SCFD2: variants seen among roughly 807,000 people sequenced by gnomAD.
SCFD2 encodes the protein sec1 family domain containing 2, also known as sec1 family domain-containing protein 2.
A neutral mutation model predicts 58.9 loss-of-function variants in SCFD2; 54 were observed. That is an observed-to-expected ratio of 0.92 (90% CI 0.74 to 1.15). The LOEUF is 1.15. Ranked by LOEUF, SCFD2 falls within the 50% of genes most tolerant of loss-of-function variation. The pLI is 0.00. For synonymous variants in SCFD2, 321 were observed against 335.9 expected (o/e 0.96, Z 0.49); for missense variants, 805 against 836.6 (o/e 0.96, Z 0.47).
intron 5 of SCFD2, among the ~76,000 whole-genome samples, chr4:53,047,562 C>A (rs1723073735): frequency 1.3e-5 from 2 of 152,224 alleles, no homozygotes; most frequent in Non-Finnish European, 2.9e-5. Flanking sequence ...CTTCCTCTCA[C>A]CTGTACCACG....
At chr4:53,170,111 G>T (rs750062151) in intron 4 of SCFD2, among the ~76,000 whole-genome samples, 1 of 152,126 alleles carries the variant, frequency 6.6e-6, no homozygotes, top group Non-Finnish European at 1.5e-5. Flanking sequence ...CCAGACAAAG[G>T]TAGTGTGGTT....
At chr4:52,886,120 T>C (rs1026365663) in intron 7 of SCFD2, among the ~76,000 whole-genome samples, 21 of 152,222 alleles carry the variant, frequency 1.4e-4, no homozygotes, top group African/African-American at 5.1e-4. Flanking sequence ...TGTTTTCCTC[T>C]GATTGATCCC....
chr4:53,238,546 C>T lies in SCFD2; in HGVS notation c.1311+35280G>A, dbSNP rs755688983. Among the ~76,000 whole-genome samples the T allele has an allele frequency of 2.9e-3, 446 of 151,364 alleles. 1 individual carries two copies. Among genetic ancestry groups the T allele is most frequent in the Non-Finnish European group, 3.3e-3 (227 of 67,774 alleles). ...GGATGGGGTGGCTGCCGGGCGGAGA[C>T]GCTCCTCACTTCCCAGATGGGGCGG... On this transcript the variant is annotated intron_variant, in intron 4 of 8. Coordinates refer to ENST00000401642, the MANE Select transcript of SCFD2 (RefSeq NM_152540.4).
intron 4 of SCFD2, among the ~76,000 whole-genome samples, chr4:53,161,562 T>A (rs1365051999): frequency 6.6e-6 from 1 of 152,218 alleles, no homozygotes; most frequent in Non-Finnish European, 1.5e-5. Flanking sequence ...TTAAGGGAGA[T>A]ATAAACTTTT....
At chr4:52,897,948 T>G (rs1719069334) in intron 7 of SCFD2, among the ~76,000 whole-genome samples, 1 of 152,174 alleles carries the variant, frequency 6.6e-6, no homozygotes, top group Non-Finnish European at 1.5e-5. Flanking sequence ...TGCGCAGAGG[T>G]GTTTATAGTA....
chr4:53,028,390 AC>A (rs1426056695), intron 5 of SCFD2, among the ~76,000 whole-genome samples: 1 of 152,222 alleles, frequency 6.6e-6, no homozygotes, highest in Non-Finnish European at 1.5e-5. Context: ...ATATAAACAT[AC>A]CTTGGAAAAA....
At chr4:53,259,961 T>TTC (rs1553893524) in intron 4 of SCFD2, among the ~76,000 whole-genome samples, 1 of 149,318 alleles carries the variant, frequency 6.7e-6, no homozygotes, top group African/African-American at 2.5e-5. Flanking sequence ...AACCAGGTAT[T>TTC]TTTTTTTTTT....
chr4:53,329,322 C>T (rs1482855326), intron 2 of SCFD2, among the ~76,000 whole-genome samples: 2 of 152,124 alleles, frequency 1.3e-5, no homozygotes, highest in African/African-American at 4.8e-5. Flanking sequence ...ACAGCAGTAA[C>T]CTCTGCAGAC....
At chr4:53,139,517 C>T (rs1001529350) in intron 5 of SCFD2, among the ~76,000 whole-genome samples, 5 of 137,648 alleles carry the variant, frequency 3.6e-5, no homozygotes, top group African/African-American at 1.2e-4. Flanking sequence ...TGAGGAGCCC[C>T]TCTGCCCGGC....
chr4:53,220,928 C>A (rs563194283), intron 4 of SCFD2, among the ~76,000 whole-genome samples: 1 of 152,210 alleles, frequency 6.6e-6, no homozygotes, highest in East Asian at 1.9e-4. Flanking sequence ...AAATTTGCTA[C>A]ACTGGAAGTG....
At chr4:52,994,824 A>ACAC in intron 5 of SCFD2, among the ~76,000 whole-genome samples, 2 of 152,230 alleles carry the variant, frequency 1.3e-5, no homozygotes, top group Non-Finnish European at 2.9e-5. Context: ...ATAATATCAT[A>ACAC]CACTATATTT....
At chr4:52,878,759 C>G (rs940055649) in intron 8 of SCFD2, among the ~76,000 whole-genome samples, 1 of 152,204 alleles carries the variant, frequency 6.6e-6, no homozygotes, top group African/African-American at 2.4e-5. Context: ...TTTCAGAGAA[C>G]TGGTCTTTTC....
intron 5 of SCFD2, among the ~76,000 whole-genome samples, chr4:52,985,265 G>A (rs1025168901): frequency 1.3e-5 from 2 of 152,178 alleles, no homozygotes; most frequent in African/African-American, 4.8e-5. Flanking sequence ...ATGTGTTAGT[G>A]AAAACACAGA....
intron 7 of SCFD2, among the ~76,000 whole-genome samples, chr4:52,895,062 A>G (rs1718968359): frequency 6.6e-6 from 1 of 152,226 alleles, no homozygotes; most frequent in Admixed American, 6.5e-5. Flanking sequence ...TCCTAGGATT[A>G]GCCAAACACT....
intron 4 of SCFD2, among the ~76,000 whole-genome samples, chr4:53,264,506 G>T (rs1164687762): frequency 6.6e-6 from 1 of 151,998 alleles, no homozygotes; most frequent in East Asian, 1.9e-4. Context: ...GAATAGCAAG[G>T]CCCACAGAGA....
chr4:52,955,333 G>C (rs1480475513), intron 5 of SCFD2, among the ~76,000 whole-genome samples: 1 of 152,136 alleles, frequency 6.6e-6, no homozygotes, highest in Non-Finnish European at 1.5e-5. Context: ...CCATTTCCCA[G>C]AAGAAAGAGA....
chr4:53,169,879 G>T (rs563659695), intron 4 of SCFD2, among the ~76,000 whole-genome samples: 73 of 152,158 alleles, frequency 4.8e-4, no homozygotes, highest in African/African-American at 1.7e-3. Flanking sequence ...TCGTTAATTG[G>T]ATTGTTTCTT....
At chr4:53,000,336 CAAAT>C (rs1361732669) in intron 5 of SCFD2, among the ~76,000 whole-genome samples, 5 of 152,190 alleles carry the variant, frequency 3.3e-5, no homozygotes, top group Non-Finnish European at 4.4e-5. Context: ...ATTTCACATA[CAAAT>C]AGAGACTTTC....
chr4:53,011,841 A>G (rs142343662), intron 5 of SCFD2, among the ~76,000 whole-genome samples: 1 of 152,314 alleles, frequency 6.6e-6, no homozygotes, highest in Non-Finnish European at 1.5e-5. Flanking sequence ...CCTTCATAAC[A>G]TTATTATTTC....
Sources: allele counts gnomAD v4.1 joint callset (sites outside exome capture counted in the v4.1 genomes callset), GRCh38; gene constraint gnomAD v4.1.1; transcripts MANE v1.5; gene names NCBI Gene and HGNC (gene_info 2026-07-23, HGNC 2026-07-21).